KATNAL1: variants seen among roughly 807,000 people sequenced by gnomAD.
KATNAL1 encodes katanin p60 ATPase-containing subunit A-like 1.
Under a neutral mutation model 55.2 loss-of-function variants are expected in KATNAL1, and 32 were observed. The observed-to-expected ratio is 0.58, with a 90% CI of 0.44 to 0.78. KATNAL1 has a LOEUF of 0.78. KATNAL1 is among the 30% of genes least tolerant of loss of function. The pLI is 0.00. For missense variants in KATNAL1, 466 were observed against 600.9 expected (o/e 0.78, Z 2.35); for synonymous variants, 193 against 193.6 (o/e 1.00, Z 0.02).
chr13:30,303,978 G>C (rs1019549375), intron 1 of KATNAL1, among the ~76,000 whole-genome samples: 2 of 152,190 alleles, frequency 1.3e-5, no homozygotes, highest in African/African-American at 4.8e-5. Context: ...AAGGAAGTGG[G>C]AGAAGAAATG....
At chr13:30,219,260 T>C (rs1354896699) in intron 9 of KATNAL1, among the ~76,000 whole-genome samples, 1 of 152,224 alleles carries the variant, frequency 6.6e-6, no homozygotes, top group Admixed American at 6.5e-5. Context: ...ATTTTATTTA[T>C]TGTTCAATCT....
chr13:30,265,961 G>A (rs894438559), intron 3 of KATNAL1, among the ~76,000 whole-genome samples: 34 of 140,012 alleles, frequency 2.4e-4, no homozygotes, highest in East Asian at 2.3e-4. Flanking sequence ...GCCATGAGCC[G>A]AGTTTGTGCC....
In KATNAL1 at chr13:30,205,635, TG is replaced by T. The variant is rs34674202; in HGVS notation, c.*2904del. 0.36 allele frequency: 37,692 copies of T among 104,976 alleles called. 4,683 individuals carry two copies. Among genetic ancestry groups the T allele is most frequent in the African/African-American group, 0.49 (14,291 of 28,912 alleles). 6.5% of individuals were successfully genotyped at this position (104,976 alleles called of 1,614,324 possible). On this transcript the variant is annotated 3_prime_UTR_variant, in exon 11 of 11. Coordinates refer to ENST00000380615, the MANE Select transcript of KATNAL1 (RefSeq NM_032116.5). ...CAGAGTGTGTGTGTGTGTGTGTATG[TG>T]AGTGTGAGTGTGTGTGTGATGTACA...
chr13:30,233,587 G>T (rs4002028), intron 6 of KATNAL1, among the ~76,000 whole-genome samples: 18 of 150,780 alleles, frequency 1.2e-4, no homozygotes, highest in African/African-American at 4.2e-4. Flanking sequence ...TTCCACTACC[G>T]GGAATATATA....
chr13:30,286,789 G>T (rs1481245365), intron 1 of KATNAL1, among the ~76,000 whole-genome samples: 2 of 152,210 alleles, frequency 1.3e-5, no homozygotes, highest in African/African-American at 4.8e-5. Flanking sequence ...CAGCCAGAAG[G>T]TGGGGATGTA....
rs1392319746 is a variant in KATNAL1, at chr13:30,208,490, C to G, written c.*50G>C. On this transcript the variant is annotated 3_prime_UTR_variant, in exon 11 of 11. Coordinates refer to ENST00000380615, the MANE Select transcript of KATNAL1 (RefSeq NM_032116.5). ...TGTTTTTTAAAAATTGCAGGAATTT[C>G]TTCGTATTTTATCAACAAAAATACC... The G allele has an allele frequency of 1.4e-6, 2 of 1,398,734 alleles. No individual in the cohort carries two copies. Among genetic ancestry groups the G allele is most frequent in the African/African-American group, 2.9e-5 (2 of 68,162 alleles). The allele number at this position is 1,398,734 out of a possible 1,614,324, so 86.6% of individuals were successfully genotyped here. A position where few individuals can be genotyped will look rare whatever the true frequency, so the allele number is the denominator to read the frequency against.
chr13:30,214,087 A>C (rs1873963019), intron 9 of KATNAL1, among the ~76,000 whole-genome samples: 1 of 152,224 alleles, frequency 6.6e-6, no homozygotes, highest in Non-Finnish European at 1.5e-5. Context: ...CTCAGGATAC[A>C]AAATCAATGT....
chr13:30,235,586 C>G (rs1257157859), intron 6 of KATNAL1, among the ~76,000 whole-genome samples: 2 of 152,230 alleles, frequency 1.3e-5, no homozygotes, highest in Non-Finnish European at 2.9e-5. Context: ...TATCACATGT[C>G]CATGTGATGC....
At chr13:30,286,519 A>G (rs957071172) in intron 1 of KATNAL1, among the ~76,000 whole-genome samples, 1 of 152,240 alleles carries the variant, frequency 6.6e-6, no homozygotes, top group Non-Finnish European at 1.5e-5. Context: ...CTCCACCTAG[A>G]TTTCAGAGGA....
intron 4 of KATNAL1, among the ~76,000 whole-genome samples, chr13:30,243,059 C>A (rs1384983055): frequency 1.3e-5 from 2 of 152,162 alleles, no homozygotes; most frequent in African/African-American, 4.8e-5. Flanking sequence ...ATAAATACTA[C>A]TAACTGCAAT....
At chr13:30,277,982 C>CA (rs55683675) in intron 3 of KATNAL1, among the ~76,000 whole-genome samples, 4,382 of 61,144 alleles carry the variant, frequency 0.072, 756 homozygotes, top group Non-Finnish European at 0.091. Context: ...GACTCCGTCT[C>CA]AAAAAAAAAA....
chr13:30,283,877 C>CAT, intron 1 of KATNAL1, 86 bp from the exon 2 acceptor site: 1 of 695,626 alleles, frequency 1.4e-6, no homozygotes, highest in Non-Finnish European at 2.2e-6. Context: ...TTTAAAACTA[C>CAT]TTTTTTTTTT....
intron 1 of KATNAL1, among the ~76,000 whole-genome samples, chr13:30,291,815 C>T (rs1882151742): frequency 6.6e-6 from 1 of 152,002 alleles, no homozygotes; most frequent in Admixed American, 6.6e-5. Context: ...GAGAGTGGAT[C>T]ACCTAAGGTT....
At chr13:30,218,606 TG>T (rs1301715706) in intron 9 of KATNAL1, among the ~76,000 whole-genome samples, 1 of 152,160 alleles carries the variant, frequency 6.6e-6, no homozygotes, top group Non-Finnish European at 1.5e-5. Flanking sequence ...GGCCTGAGAA[TG>T]TCAGAAGTAT....
Position 30,280,825 on chromosome 13 carries a change from C to T in KATNAL1, c.163-602G>A, listed in dbSNP as rs909090945. On this transcript the variant is annotated intron_variant, in intron 2 of 10. Coordinates refer to ENST00000380615, the MANE Select transcript of KATNAL1 (RefSeq NM_032116.5). Reference sequence around the variant, plus strand: ...TTTGATTTCAAAGACAAGATTTTTCCTGTATTTAAAAAATTTAACTGAACA... The same window carrying T: ...TTTGATTTCAAAGACAAGATTTTTCTTGTATTTAAAAAATTTAACTGAACA... Among the ~76,000 whole-genome samples, 7 of 152,016 alleles carry T rather than the reference C, an allele frequency of 4.6e-5. No homozygotes were observed. The South Asian group carries it at 1.2e-3, about 27-fold the overall frequency.
At chr13:30,246,223 C>T (rs1877779438) in intron 4 of KATNAL1, among the ~76,000 whole-genome samples, 1 of 152,072 alleles carries the variant, frequency 6.6e-6, no homozygotes, top group African/African-American at 2.4e-5. Flanking sequence ...AGAACAGAGG[C>T]CTCAGAAATA....
chr13:30,278,278 A>G (rs1039953824), intron 3 of KATNAL1, among the ~76,000 whole-genome samples: 2 of 143,472 alleles, frequency 1.4e-5, no homozygotes, highest in African/African-American at 5.0e-5. Context: ...TCCAAAGAGG[A>G]AAAAAAAAAC....
intron 1 of KATNAL1, among the ~76,000 whole-genome samples, chr13:30,297,546 C>T (rs1161691502): frequency 6.6e-6 from 1 of 152,164 alleles, no homozygotes; most frequent in Non-Finnish European, 1.5e-5. Context: ...AATCATTCTA[C>T]CAAAAAGACA....
At chr13:30,249,543 C>T (rs1878107806) in intron 4 of KATNAL1, among the ~76,000 whole-genome samples, 1 of 152,182 alleles carries the variant, frequency 6.6e-6, no homozygotes, top group Admixed American at 6.5e-5. Context: ...TGATATACTA[C>T]TATATGACAA....
Sources: allele counts gnomAD v4.1 joint callset (sites outside exome capture counted in the v4.1 genomes callset), GRCh38; gene constraint gnomAD v4.1.1; transcripts MANE v1.5; gene names NCBI Gene and HGNC (gene_info 2026-07-23, HGNC 2026-07-21).